The following TACC1 variants were observed in gnomAD, a reference collection of about 807,000 sequenced individuals.
TACC1 encodes transforming acidic coiled-coil containing protein 1.
A neutral mutation model predicts 84.4 loss-of-function variants in TACC1; 48 were observed. That is an observed-to-expected ratio of 0.57 (90% confidence interval 0.45 to 0.72). The LOEUF (loss-of-function observed/expected upper bound fraction) is 0.72. TACC1 is among the 30% of genes least tolerant of loss of function. The probability of loss-of-function intolerance (pLI) is 0.00; values close to 1 mark genes in which losing one functional copy is unlikely to be tolerated. For synonymous variants in TACC1, 372 were observed against 376.3 expected (o/e 0.99, Z 0.13); for missense variants, 920 against 973.0 (o/e 0.95, Z 0.72).
intron 1 of TACC1, among the ~76,000 whole-genome samples, chr8:38,741,009 C>A (rs17513063): frequency 0.087 from 13,299 of 152,202 alleles, 677 homozygotes; most frequent in South Asian, 0.11. Flanking sequence ...ACAGTCTTGA[C>A]TTCTAAGCCA....
At chr8:38,788,040 C>T (rs1179193418) in intron 1 of TACC1, 7 of 434,548 alleles carry the variant, frequency 1.6e-5, no homozygotes, top group Admixed American at 9.1e-5. Flanking sequence ...CAGCCCCCGC[C>T]CCTCCACACT....
rs766212715 is a variant in TACC1 at position 38,827,306 on chromosome 8, C to A, written c.1591C>A (p.Leu531Met). Residue 531 changes from leucine to methionine, a missense_variant, in exon 5 of 13, where the codon CTG becomes ATG. By Grantham distance (15) the Leu-to-Met change is conservative. Around this residue, in one of 2 missense-constraint regions of TACC1, gnomAD observed 762 missense variants for 747.3 expected, o/e 1.02. Coordinates refer to ENST00000317827, the MANE Select transcript of TACC1 (RefSeq NM_006283.3). Reference protein sequence around the residue: ...AEVKGEPEEDLEYFECSNVPV... With the variant: ...AEVKGEPEEDMEYFECSNVPV... ...GGTGAAAGGTGAGCCAGAGGAAGAC[C>A]TGGAGTACTTTGAATGTTCCAATGT... 1.9e-6 allele frequency: 3 copies of A among 1,614,182 alleles called. No individual in the cohort carries two copies. The East Asian group carries it at 6.7e-5, about 36-fold the overall frequency.
At chr8:38,802,766 G>GGAGAAAGA (rs1821701354) in intron 2 of TACC1, among the ~76,000 whole-genome samples, 1 of 152,120 alleles carries the variant, frequency 6.6e-6, no homozygotes, top group Non-Finnish European at 1.5e-5. Flanking sequence ...GAGACGAGAA[G>GGAGAAAGA]GAGAAAGAGA....
At chr8:38,779,480 T>C (rs977099852) in intron 3 of TACC1, among the ~76,000 whole-genome samples, 13 of 152,222 alleles carry the variant, frequency 8.5e-5, no homozygotes, top group South Asian at 2.1e-4. Flanking sequence ...TTTTCCACCC[T>C]CCGGGTGTCT....
rs555151745 is a variant in TACC1, at chr8:38,757,454, G to C, written c.26+11961G>C. 8 of 1,121,682 alleles carry C rather than the reference G, an allele frequency of 7.1e-6. No individual in the cohort carries two copies. In the Admixed American group the frequency reaches 1.3e-4, roughly 18 times the overall value. 69.5% of individuals were successfully genotyped at this position (1,121,682 alleles called of 1,614,324 possible). On this transcript the variant is annotated intron_variant, in intron 3 of 14. Coordinates refer to the TACC1 transcript ENST00000518415. ...CCAAGGGCCGCCTTTGGGGGTTTGC[G>C]TGCCAGCCCGGGATGGAGCGCGCTG...
At chr8:38,753,851 C>T (rs368200331) in intron 3 of TACC1, among the ~76,000 whole-genome samples, 3 of 150,884 alleles carry the variant, frequency 2.0e-5, no homozygotes, top group Non-Finnish European at 3.0e-5. Context: ...TTCCCCTTGT[C>T]TCAATTTCTC....
chr8:38,814,915 GTAATACCAATA>G (rs1481222630), intron 2 of TACC1, among the ~76,000 whole-genome samples: 1 of 152,200 alleles, frequency 6.6e-6, no homozygotes, highest in African/African-American at 2.4e-5. Flanking sequence ...AAATACACAT[GTAATACCAATA>G]TTTTAGAAGT....
intron 1 of TACC1, among the ~76,000 whole-genome samples, chr8:38,732,974 C>G (rs1156370981): frequency 6.6e-6 from 1 of 152,180 alleles, no homozygotes; most frequent in African/African-American, 2.4e-5. Context: ...GGGCAAAACA[C>G]ACTTAGACAT....
chr8:38,827,240 C>T lies in TACC1; in HGVS notation c.1525C>T (p.Leu509=), dbSNP rs1384543845. 2.5e-6 allele frequency: 4 copies of T among 1,614,066 alleles called. No individual in the cohort carries two copies. The highest frequency in any genetic ancestry group is 2.5e-6 in the Non-Finnish European group (3 of 1,180,048). The change falls in exon 5 of 13, where the codon CTG becomes TTG. Residue 509 remains leucine (L), a synonymous_variant. Transcript: ENST00000317827. Reference sequence around the variant, plus strand: ...TGGCCATGCTACTGATGAGGAGAAACTGGCATCCACGTCATGTGGTCAGAA... The same window carrying T: ...TGGCCATGCTACTGATGAGGAGAAATTGGCATCCACGTCATGTGGTCAGAA... ...RDGHATDEEK[L]ASTSCGQKSA...
intron 2 of TACC1, among the ~76,000 whole-genome samples, chr8:38,798,340 T>G (rs766088746): frequency 6.6e-6 from 1 of 152,144 alleles, no homozygotes; most frequent in Non-Finnish European, 1.5e-5. Context: ...AAATTTGAAG[T>G]GCTTTCTTCA....
At chr8:38,805,251 A>C (rs567553843) in intron 2 of TACC1, among the ~76,000 whole-genome samples, 1 of 152,202 alleles carries the variant, frequency 6.6e-6, no homozygotes, top group Non-Finnish European at 1.5e-5. Flanking sequence ...TTCCCAGCTT[A>C]CTTCTAAGTC....
intron 2 of TACC1, among the ~76,000 whole-genome samples, chr8:38,801,587 A>T (rs1041053080): frequency 6.6e-6 from 1 of 152,204 alleles, no homozygotes; most frequent in African/African-American, 2.4e-5. Flanking sequence ...GTCTCTCGTT[A>T]TGCTGGTACC....
intron 1 of TACC1, among the ~76,000 whole-genome samples, chr8:38,737,382 G>C (rs548462693): frequency 6.6e-6 from 1 of 152,224 alleles, no homozygotes; most frequent in Non-Finnish European, 1.5e-5. Context: ...CAGTGGCTTC[G>C]CTCAGTGCCA....
Position 38,815,061 on chromosome 8 carries a change from G to A in TACC1, c.278-4461G>A, listed in dbSNP as rs184878831. Among the ~76,000 whole-genome samples the A allele has an allele frequency of 1.5e-3, 233 of 152,248 alleles. 1 individual carries two copies. Among genetic ancestry groups the A allele is most frequent in the African/African-American group, 5.3e-3 (221 of 41,534 alleles). On this transcript the variant is annotated intron_variant, in intron 2 of 12. Transcript: ENST00000317827. ...TTCTAGATGGAGAAACAGTGGCTCC[G>A]GACCATTTCTTGCTTGTCAGCATAT...
exon 2 of TACC1, chr8:38,742,430 A>C (rs1202364636): frequency 6.5e-7 from 1 of 1,530,352 alleles, no homozygotes; most frequent in South Asian, 1.2e-5. Context: ...CTGAGATCAA[A>C]TGCAAAGACA....
intron 2 of TACC1, among the ~76,000 whole-genome samples, chr8:38,806,418 G>A (rs1191579193): frequency 6.6e-6 from 1 of 152,000 alleles, no homozygotes; most frequent in South Asian, 2.1e-4. Context: ...TTGAGGGGGG[G>A]CTCTCTAGCA....
intron 3 of TACC1, among the ~76,000 whole-genome samples, chr8:38,751,304 T>C (rs1002012622): frequency 6.6e-6 from 1 of 152,216 alleles, no homozygotes; most frequent in African/African-American, 2.4e-5. Context: ...CATCTTAAAA[T>C]GGGATGTGCA....
chr8:38,814,827 G>A (rs1050715636), intron 2 of TACC1, among the ~76,000 whole-genome samples: 10 of 152,198 alleles, frequency 6.6e-5, no homozygotes, highest in East Asian at 1.9e-4. Flanking sequence ...GCAAATGAAA[G>A]GAGGTAGTTC....
At chr8:38,782,673 G>T (rs1025938145), upstream of TACC1, among the ~76,000 whole-genome samples, 1 of 152,146 alleles carries the variant, frequency 6.6e-6, no homozygotes, top group Non-Finnish European at 1.5e-5. Flanking sequence ...TGTTTAACAG[G>T]CTCTGTAAAT....
Sources: gnomAD v4.1 joint callset for allele counts (sites outside exome capture counted in the v4.1 genomes callset) on GRCh38, gnomAD v4.1.1 for gene constraint, gnomAD v4.1.1 regional missense constraint, MANE v1.5 for transcripts, NCBI Gene and HGNC (gene_info 2026-07-23, HGNC 2026-07-21) for gene names.